DPP3: variants seen among roughly 807,000 people sequenced by gnomAD.
DPP3 encodes the protein DPP III.
In DPP3, 64 loss-of-function variants were observed where a neutral mutation model predicts 89.8. That is an observed-to-expected ratio of 0.71 (90% confidence interval 0.58 to 0.88). DPP3 has a LOEUF of 0.88. Among genes scored for constraint, DPP3 ranks in the 40% least tolerant of loss-of-function variants. The pLI is 0.00. For missense variants in DPP3, 835 were observed against 972.5 expected (o/e 0.86, Z 1.88); for synonymous variants, 377 against 404.3 (o/e 0.93, Z 0.81).
intron 9 of DPP3, among the ~76,000 whole-genome samples, chr11:66,492,186 G>A (rs1380542230): frequency 6.6e-6 from 1 of 152,220 alleles, no homozygotes; most frequent in Non-Finnish European, 1.5e-5. Flanking sequence ...TGATTAGGAT[G>A]CAGACTGCTG....
At chr11:66,503,684 G>A (rs1016444664) in intron 16 of DPP3, among the ~76,000 whole-genome samples, 2 of 152,146 alleles carry the variant, frequency 1.3e-5, no homozygotes, top group Admixed American at 1.3e-4. Flanking sequence ...TCAGGAGATG[G>A]AGACCATCTT....
chr11:66,500,883 C>T (rs1362454474), intron 16 of DPP3, among the ~76,000 whole-genome samples: 1 of 152,074 alleles, frequency 6.6e-6, no homozygotes, highest in Non-Finnish European at 1.5e-5. Context: ...TGGTGAAACC[C>T]CATCTCTACT....
At chr11:66,485,147 G>A in intron 2 of DPP3, 26 bp from the exon 3 acceptor site, 1 of 1,610,504 alleles carries the variant, frequency 6.2e-7, no homozygotes, top group Non-Finnish European at 8.5e-7. Context: ...TGCTTCCTGG[G>A]TCTCTGATGC....
chr11:66,503,320 C>T (rs996897348), intron 16 of DPP3, among the ~76,000 whole-genome samples: 3 of 152,130 alleles, frequency 2.0e-5, no homozygotes, highest in Non-Finnish European at 4.4e-5. Context: ...GTCTACATGT[C>T]AAATGAGATA....
chr11:66,507,770 C>T (rs962899969), intron 17 of DPP3, among the ~76,000 whole-genome samples: 8 of 148,268 alleles, frequency 5.4e-5, no homozygotes, highest in Middle Eastern at 3.5e-3. Context: ...CCTCCACCTC[C>T]GGAGTCAAAT....
chr11:66,487,801 C>A, intron 5 of DPP3, 113 bp from the exon 6 acceptor site: 2 of 941,716 alleles, frequency 2.1e-6, no homozygotes, highest in Non-Finnish European at 3.2e-6. Context: ...ACCCAGAAGG[C>A]CCAGCCTGCT....
chr11:66,488,587 G>T lies in DPP3; in HGVS notation c.667+580G>T, dbSNP rs141859140. On this transcript the variant is annotated intron_variant, in intron 6 of 17. Transcript: ENST00000531863. Reference sequence around the variant, plus strand: ...AAGGAAAAAAAAAAAAAAAAAAAGAGGCTGGCCCTTCCCAAACCACCTGCA... The same window carrying T: ...AAGGAAAAAAAAAAAAAAAAAAAGATGCTGGCCCTTCCCAAACCACCTGCA... Among the ~76,000 whole-genome samples the T allele has an allele frequency of 4.9e-3, 742 of 151,218 alleles. 3 individuals are homozygous for T. Among genetic ancestry groups the T allele is most frequent in the Non-Finnish European group, 7.4e-3 (503 of 67,802 alleles).
At chr11:66,486,401 A>G (rs537253494) in intron 3 of DPP3, 139 bp from the exon 4 acceptor site, 2 of 1,099,600 alleles carry the variant, frequency 1.8e-6, no homozygotes, top group South Asian at 2.8e-5. Flanking sequence ...CTCAGGACCT[A>G]CAAGTGCTGC....
At chr11:66,506,268 TTC>T (rs1162177044) in intron 17 of DPP3, among the ~76,000 whole-genome samples, 1 of 145,170 alleles carries the variant, frequency 6.9e-6, no homozygotes, top group Non-Finnish European at 1.5e-5. Context: ...TTTTATTTAT[TTC>T]TGAGACGGAG....
chr11:66,480,480 C>T lies in DPP3; in HGVS notation c.-9+15C>T. 2.0e-6 allele frequency: 3 copies of T among 1,484,700 alleles called. No individual in the cohort carries two copies. The highest frequency in any genetic ancestry group is 5.7e-5 in the East Asian group (2 of 34,946). 92.0% of individuals were successfully genotyped at this position (1,484,700 alleles called of 1,614,324 possible). The stretch of plus-strand genomic sequence containing the variant: ...AGCTGCTGCAGGTGAGGCGCGGCGC[C>T]TGGGCTTTTGGGGTCAAAGCGTGTC... On this transcript the variant is annotated intron_variant, in intron 1 of 17. Transcript: ENST00000531863.
In DPP3 at chr11:66,485,258, C is replaced by T; in HGVS notation, c.356C>T (p.Pro119Leu). The change falls in exon 3 of 18, where the codon CCC becomes CTC. Residue 119 changes from proline to leucine, a missense_variant. Pro to Leu is a moderately conservative substitution (Grantham distance 98). Coordinates refer to ENST00000531863, the MANE Select transcript of DPP3 (RefSeq NM_130443.4). ...FGDTKFVPNLPKEKLERVILG... is the reference protein window; with the variant it reads ...FGDTKFVPNLLKEKLERVILG... ...GACACCAAGTTTGTTCCCAACTTGC[C>T]CAAGGTGAGCCAAGGGAGGGTTGGG... is the stretch of plus-strand genomic sequence containing the variant. 1 of 1,613,924 alleles carries T rather than the reference C, an allele frequency of 6.2e-7. No homozygotes were observed. Among genetic ancestry groups the T allele is most frequent in the Middle Eastern group, 1.7e-4 (1 of 6,058 alleles).
chr11:66,485,269 C>G lies in DPP3; in HGVS notation c.360+7C>G, dbSNP rs1178691659. The G allele has an allele frequency of 3.1e-6, 5 of 1,611,118 alleles. No homozygotes were observed. The highest frequency in any genetic ancestry group is 4.2e-6 in the Non-Finnish European group (5 of 1,177,992). On this transcript the variant is annotated splice_region_variant and intron_variant, in intron 3 of 17. Transcript: ENST00000531863. Reference sequence around the variant, plus strand: ...TGTTCCCAACTTGCCCAAGGTGAGCCAAGGGAGGGTTGGGGAAGGTGGGGA... The same window carrying G: ...TGTTCCCAACTTGCCCAAGGTGAGCGAAGGGAGGGTTGGGGAAGGTGGGGA...
rs1045970892 is a variant in DPP3 at position 66,499,004 on chromosome 11, C to T, written c.1878+1527C>T. On this transcript the variant is annotated intron_variant, in intron 16 of 17. Coordinates refer to ENST00000531863, the MANE Select transcript of DPP3 (RefSeq NM_130443.4). ...CTAGCCTGGGTGACAGAACTAGATT[C>T]TGTCTCTAAAAGAAAAAGAAAAGAT... is the stretch of plus-strand genomic sequence containing the variant. 4.6e-5 allele frequency among the ~76,000 whole-genome samples: 7 copies of T among 151,714 alleles called. 1 individual carries two copies. Among genetic ancestry groups the T allele is most frequent in the South Asian group, 4.2e-4 (2 of 4,786 alleles).
rs1855169530 is a variant in DPP3 at position 66,484,486 on chromosome 11, A to T, written c.271-687A>T. ...CTTACTCCTGGAGGGGAGCTCCAGG[A>T]GTTCCAGGCCTGATGATCCCTGGTG... On this transcript the variant is annotated intron_variant, in intron 2 of 17. Coordinates refer to ENST00000531863, the MANE Select transcript of DPP3 (RefSeq NM_130443.4). Among the ~76,000 whole-genome samples the T allele has an allele frequency of 2.6e-5, 4 of 152,016 alleles. No individual in the cohort carries two copies. In the South Asian group the frequency reaches 8.3e-4, roughly 32 times the overall value.
chr11:66,484,154 T>A (rs1452556301), intron 2 of DPP3, among the ~76,000 whole-genome samples: 2 of 152,046 alleles, frequency 1.3e-5, no homozygotes, highest in African/African-American at 4.8e-5. Flanking sequence ...ATTTCTGTAT[T>A]TTTAGTAGAG....
intron 5 of DPP3, among the ~76,000 whole-genome samples, 193 bp downstream of exon 5, chr11:66,487,535 G>A (rs570271993): frequency 6.6e-6 from 1 of 152,236 alleles, no homozygotes; most frequent in African/African-American, 2.4e-5. Flanking sequence ...CAGGACCTCA[G>A]GCCACAGGGG....
chr11:66,488,746 C>T (rs1180429405), intron 6 of DPP3, among the ~76,000 whole-genome samples: 1 of 152,130 alleles, frequency 6.6e-6, no homozygotes, highest in East Asian at 1.9e-4. Flanking sequence ...GCTCTTTGTT[C>T]CCCACTCGCA....
At position 66,491,303 on chromosome 11, in the gene DPP3, C is replaced by T. The variant is rs779451383; in HGVS notation, c.718C>T (p.Arg240Trp). The T allele has an allele frequency of 5.7e-5, 92 of 1,613,958 alleles. No individual in the cohort carries two copies. Among genetic ancestry groups the T allele is most frequent in the South Asian group, 7.7e-5 (7 of 91,064 alleles). Residue 240 changes from arginine to tryptophan, a missense_variant, in exon 7 of 18, where the codon CGG becomes TGG. Transcript: ENST00000531863. Reference sequence around the variant, plus strand: ...TTCCAAGCTGAAGAGCTATGAATTCCGGGGAAGCCCTTTCCAGGTGACCCG... The same window carrying T: ...TTCCAAGCTGAAGAGCTATGAATTCTGGGGAAGCCCTTTCCAGGTGACCCG... ...VTSKLKSYEF[R>W]GSPFQVTRGD... is the part of the protein sequence containing the mutation.
In DPP3 at chr11:66,506,435, A is replaced by G. The variant is rs1855804234; in HGVS notation, c.2041+1661A>G. Among the ~76,000 whole-genome samples the G allele has an allele frequency of 2.0e-5, 3 of 149,594 alleles. No homozygotes were observed. The South Asian group carries it at 6.3e-4, about 32-fold the overall frequency. ...ATGCCCGGCTAATTTTTGTATTTTT[A>G]GTAGAGACAGGGTTTTGCCATGTTG... On this transcript the variant is annotated intron_variant, in intron 17 of 17. Transcript: ENST00000531863.
Sources: allele counts gnomAD v4.1 joint callset (sites outside exome capture counted in the v4.1 genomes callset), GRCh38; gene constraint gnomAD v4.1.1; transcripts MANE v1.5; gene names NCBI Gene and HGNC (gene_info 2026-07-23, HGNC 2026-07-21).